Variants in SPPL2B observed in about 807,000 individuals in gnomAD.
SPPL2B encodes the protein signal peptide peptidase like 2B.
A neutral mutation model predicts 59.7 loss-of-function variants in SPPL2B; 39 were observed. The observed-to-expected ratio is 0.65, with a 90% CI of 0.51 to 0.85. SPPL2B has a LOEUF of 0.85. Ranked by LOEUF, SPPL2B falls within the 40% of genes least tolerant of loss-of-function variation. SPPL2B has a pLI of 0.00. For synonymous variants in SPPL2B, 419 were observed against 370.8 expected (o/e 1.13, Z -1.49); for missense variants, 865 against 849.0 (o/e 1.02, Z -0.23).
intron 1 of SPPL2B, among the ~76,000 whole-genome samples, chr19:2,334,355 C>G (rs982222310): frequency 6.6e-6 from 1 of 152,222 alleles, no homozygotes; most frequent in Non-Finnish European, 1.5e-5. Context: ...AAAGGGGTGA[C>G]CTGACACACT....
chr19:2,344,397 G>A lies in SPPL2B; in HGVS notation c.1149G>A (p.Gly383=), dbSNP rs1449506890. Residue 383 remains glycine (G), a synonymous_variant, in exon 11 of 15, where the codon GGG becomes GGA. Transcript: ENST00000613503. ...GCATCATGGTGGAGGTGGCCACTGG[G>A]CCCTCGGACTCAGCCACCCGTGAGA... ...GSSIMVEVAT[G]PSDSATREKL... 1.7e-5 allele frequency: 26 copies of A among 1,567,974 alleles called. No individual in the cohort carries two copies. The highest frequency in any genetic ancestry group is 4.7e-5 in the East Asian group (2 of 42,540).
chr19:2,344,681 CA>C, intron 12 of SPPL2B, 29 bp downstream of exon 12: 1 of 1,457,032 alleles, frequency 6.9e-7, no homozygotes, highest in Non-Finnish European at 9.6e-7. Flanking sequence ...CACACGGGTC[CA>C]CGCTGTGGGG....
intron 3 of SPPL2B, 55 bp downstream of exon 3, chr19:2,337,680 C>A: frequency 1.4e-6 from 2 of 1,469,412 alleles, no homozygotes; most frequent in African/African-American, 1.4e-5. Flanking sequence ...GAGGGGGGTG[C>A]AGGAGGCAGA....
intron 9 of SPPL2B, among the ~76,000 whole-genome samples, 156 bp from the exon 10 acceptor site, chr19:2,343,809 A>G (rs983642251): frequency 2.0e-5 from 3 of 152,082 alleles, no homozygotes; most frequent in Non-Finnish European, 4.4e-5. Context: ...TGTTGCTTCC[A>G]AAGCTCCTCC....
At chr19:2,341,687 C>T (rs1301730663) in intron 8 of SPPL2B, 4 of 424,058 alleles carry the variant, frequency 9.4e-6, no homozygotes, top group Non-Finnish European at 9.9e-6. Context: ...AGCCACGGCA[C>T]GTTTAACTGG....
Position 2,353,240 on chromosome 19 carries a change from G to A in SPPL2B, c.*31G>A, listed in dbSNP as rs781661887. On this transcript the variant is annotated 3_prime_UTR_variant, in exon 15 of 15. Coordinates refer to ENST00000613503, the MANE Select transcript of SPPL2B (RefSeq NM_152988.3). ...GGGTGAGACGCTCGCTGCCGTGCCCGCCACACCAAGATGTTGGGGCTGCCT... is the reference window on the plus strand; with the variant it reads ...GGGTGAGACGCTCGCTGCCGTGCCCACCACACCAAGATGTTGGGGCTGCCT... The A allele has an allele frequency of 1.5e-5, 24 of 1,567,396 alleles. No individual in the cohort carries two copies. Among genetic ancestry groups the A allele is most frequent in the African/African-American group, 2.7e-5 (2 of 73,414 alleles).
In SPPL2B at chr19:2,337,614, A is replaced by G. The variant is rs566677520; in HGVS notation, c.358A>G (p.Arg120Gly). 2.5e-6 allele frequency: 4 copies of G among 1,583,736 alleles called. No individual in the cohort carries two copies. The East Asian group carries it at 9.1e-5, about 36-fold the overall frequency. The change falls in exon 3 of 15, where the codon AGG (arginine) becomes GGG (glycine). Residue 120 changes from arginine to glycine, a missense_variant. Physicochemically the swap from Arg to Gly is moderately radical, Grantham distance 125 (BLOSUM62 -2). Transcript: ENST00000613503. Reference sequence around the variant, plus strand: ...AGCACGCGGGCTGCTCATCGTCAGCAGGGAGAGGCTGGTACGGCCCTGTGC... The same window carrying G: ...AGCACGCGGGCTGCTCATCGTCAGCGGGGAGAGGCTGGTACGGCCCTGTGC... ...SGARGLLIVS[R>G]ERLVPPGGNK...
At chr19:2,342,252 G>T (rs1181460920) in intron 8 of SPPL2B, 2 of 152,752 alleles carry the variant, frequency 1.3e-5, no homozygotes, top group Non-Finnish European at 2.9e-5. Context: ...GTGGCCTTGT[G>T]CAGGAGGCAG....
Position 2,334,692 on chromosome 19 carries a change from G to C in SPPL2B, c.157G>C (p.Ala53Pro). 6.2e-7 allele frequency: 1 copy of C among 1,611,546 alleles called. No individual in the cohort carries two copies. Among genetic ancestry groups the C allele is most frequent in the East Asian group, 2.2e-5 (1 of 44,758 alleles). ...CTGCATCCTCTACAACCCGCAGTGG[G>C]CCCATCTTCCGCACGACCTCAGCAA... ...DYCILYNPQW[A>P]HLPHDLSKAS... Residue 53 changes from alanine (A) to proline (P), a missense_variant, in exon 2 of 15, where the codon GCC (alanine) becomes CCC (proline). Coordinates refer to ENST00000613503, the MANE Select transcript of SPPL2B (RefSeq NM_152988.3).
At chr19:2,338,211 T>C (rs1968771352) in intron 3 of SPPL2B, 1 of 154,458 alleles carries the variant, frequency 6.5e-6, no homozygotes, top group South Asian at 2.0e-4. Flanking sequence ...TAAGAAGGAA[T>C]GGAGTTCAGG....
chr19:2,332,461 C>T lies in SPPL2B; in HGVS notation c.67-2141C>T, dbSNP rs1041923446. ...GCGTCTGCACTGTTTTCCCTTGTGG[C>T]GTTGTGGTGTCGGCCCGTTTGGTGC... On this transcript the variant is annotated intron_variant, in intron 1 of 14. Transcript: ENST00000613503. This position sits in a 1 kb window ranked among gnomAD's most constrained non-coding sequence, Gnocchi z 4.6. 5.9e-5 allele frequency among the ~76,000 whole-genome samples: 9 copies of T among 152,240 alleles called. No homozygotes were observed. The highest frequency in any genetic ancestry group is 3.3e-4 in the Admixed American group (5 of 15,286).
chr19:2,330,947 A>G (rs1488161786), intron 1 of SPPL2B, among the ~76,000 whole-genome samples: 2 of 152,006 alleles, frequency 1.3e-5, no homozygotes, highest in Admixed American at 6.5e-5. Context: ...CTGTCCCTGG[A>G]GGGGGGCAGT....
intron 1 of SPPL2B, among the ~76,000 whole-genome samples, chr19:2,333,954 A>G (rs1968421380): frequency 6.6e-6 from 1 of 152,074 alleles, no homozygotes; most frequent in Non-Finnish European, 1.5e-5. Context: ...AGCCTGTCCC[A>G]CTCAGGACCC....
chr19:2,344,307 C>T, intron 10 of SPPL2B, 55 bp from the exon 11 acceptor site: 3 of 456,120 alleles, frequency 6.6e-6, no homozygotes, highest in Non-Finnish European at 1.3e-5. Flanking sequence ...TCACCCCACT[C>T]CCCTGCCCCC....
chr19:2,340,478 C>T (rs1198141234), intron 7 of SPPL2B: 1 of 609,128 alleles, frequency 1.6e-6, no homozygotes, highest in Non-Finnish European at 3.0e-6. Context: ...CCAGAAGGTT[C>T]CCCACAGCCC....
In SPPL2B at chr19:2,340,179, C is replaced by T. The variant is rs1345841456; in HGVS notation, c.839+7C>T. On this transcript the variant is annotated splice_region_variant and intron_variant, in intron 7 of 14. Transcript: ENST00000613503. ...TGCCCTTCGGCAAGTGCAGGTGAGT[C>T]TGCCCTGCTGGCCCCGACGTGCCTG... 6.4e-7 allele frequency: 1 copy of T among 1,551,354 alleles called. No individual in the cohort carries two copies. The highest frequency in any genetic ancestry group is 2.3e-5 in the East Asian group (1 of 42,726).
chr19:2,337,926 G>C (rs1349724990), intron 3 of SPPL2B: 3 of 318,454 alleles, frequency 9.4e-6, no homozygotes, highest in African/African-American at 6.5e-5. Flanking sequence ...CACACTCTCT[G>C]TGGGGATGGG....
chr19:2,346,542 C>T (rs1167119183), intron 13 of SPPL2B, among the ~76,000 whole-genome samples: 1 of 152,188 alleles, frequency 6.6e-6, no homozygotes, highest in East Asian at 1.9e-4. Flanking sequence ...TGACATGTGC[C>T]TGTAGCCCCA....
rs1320044079 is a variant in SPPL2B at position 2,353,349 on chromosome 19, CATCCTTGCCGAG to C, written c.*142_*153del. On this transcript the variant is annotated 3_prime_UTR_variant, in exon 15 of 15. Coordinates refer to ENST00000613503, the MANE Select transcript of SPPL2B (RefSeq NM_152988.3). ...TCCCCACCCGCCCCAACATGGTGCT[CATCCTTGCCGAG>C]ACCCCTGCGGTCTGTGCCCGCGCCC... is the stretch of plus-strand genomic sequence containing the variant. 2 of 1,115,102 alleles carry C rather than the reference CATCCTTGCCGAG, an allele frequency of 1.8e-6. No homozygotes were observed. The highest frequency in any genetic ancestry group is 3.2e-5 in the African/African-American group (2 of 62,928). 69.1% of individuals were successfully genotyped at this position (1,115,102 alleles called of 1,614,324 possible).
Sources: allele counts gnomAD v4.1 joint callset (sites outside exome capture counted in the v4.1 genomes callset), GRCh38; gene constraint gnomAD v4.1.1; non-coding constraint Gnocchi (gnomAD v3.1); transcripts MANE v1.5; gene names NCBI Gene and HGNC (gene_info 2026-07-23, HGNC 2026-07-21).